Variants in RBMS3 observed in about 807,000 individuals in gnomAD.
RBMS3 encodes RNA binding motif single stranded interacting protein 3.
Under a neutral mutation model 66.8 loss-of-function variants are expected in RBMS3, and 27 were observed. The observed-to-expected ratio is 0.40, with a 90% CI of 0.30 to 0.56. The LOEUF (loss-of-function observed/expected upper bound fraction) is 0.56. RBMS3 is among the 20% of genes least tolerant of loss of function. RBMS3 has a pLI of 0.40. For synonymous variants in RBMS3, 188 were observed against 183.0 expected (o/e 1.03, Z -0.22); for missense variants, 513 against 549.5 (o/e 0.93, Z 0.66).
intron 3 of RBMS3, among the ~76,000 whole-genome samples, chr3:29,571,612 T>C (rs1229488997): frequency 6.6e-6 from 1 of 152,164 alleles, no homozygotes; most frequent in African/African-American, 2.4e-5. Context: ...GTAGATTTTC[T>C]ATTATGTTCC....
At chr3:29,487,102 T>C (rs2043348369) in intron 2 of RBMS3, among the ~76,000 whole-genome samples, 1 of 152,176 alleles carries the variant, frequency 6.6e-6, no homozygotes, top group African/African-American at 2.4e-5. Context: ...AGCTAGTTAA[T>C]GGGTATGATT....
At chr3:29,550,925 G>C (rs555916625) in intron 3 of RBMS3, among the ~76,000 whole-genome samples, 1 of 152,316 alleles carries the variant, frequency 6.6e-6, no homozygotes, top group South Asian at 2.1e-4. Flanking sequence ...TAACTGCAAT[G>C]AAGACTGGGA....
At position 30,005,003 on chromosome 3, in the gene RBMS3, T is replaced by C. The variant is rs936558263; in HGVS notation, c.*1141T>C. On this transcript the variant is annotated 3_prime_UTR_variant, in exon 15 of 15. Transcript: ENST00000383767. ...CAATTTCTGTAGTCTTTCCTAGTTGTGATCAAATTCAGCCTATGGATGGCC... is the reference window on the plus strand; with the variant it reads ...CAATTTCTGTAGTCTTTCCTAGTTGCGATCAAATTCAGCCTATGGATGGCC... 6.6e-6 allele frequency: 1 copy of C among 151,776 alleles called. No individual in the cohort carries two copies. The highest frequency in any genetic ancestry group is 2.4e-5 in the African/African-American group (1 of 41,294). 9.4% of individuals were successfully genotyped at this position (151,776 alleles called of 1,614,324 possible).
intron 5 of RBMS3, among the ~76,000 whole-genome samples, chr3:29,747,764 G>A (rs981474265): frequency 2.0e-5 from 3 of 152,154 alleles, no homozygotes; most frequent in South Asian, 2.1e-4. Context: ...GGCAACATTC[G>A]TTTGGTTAAA....
intron 1 of RBMS3, among the ~76,000 whole-genome samples, chr3:29,283,900 G>T (rs1006067623): frequency 6.6e-6 from 1 of 152,122 alleles, no homozygotes; most frequent in African/African-American, 2.4e-5. Flanking sequence ...CTTGCATAGA[G>T]AGGAAATGAG....
chr3:29,460,688 C>G (rs1034951686), intron 2 of RBMS3, among the ~76,000 whole-genome samples: 1 of 152,156 alleles, frequency 6.6e-6, no homozygotes, highest in African/African-American at 2.4e-5. Flanking sequence ...ATTAGTAATG[C>G]TTAATTTCTT....
chr3:29,765,874 G>C (rs187762984), intron 6 of RBMS3: 38 of 158,078 alleles, frequency 2.4e-4, no homozygotes, highest in South Asian at 6.1e-4. Context: ...AAGGTGAAAG[G>C]CATGTCTCAT....
At chr3:29,395,406 T>C (rs2039501065) in intron 1 of RBMS3, among the ~76,000 whole-genome samples, 1 of 152,076 alleles carries the variant, frequency 6.6e-6, no homozygotes, top group Non-Finnish European at 1.5e-5. Context: ...TAAGAAATAC[T>C]TAGGGTCAAA....
intron 6 of RBMS3, among the ~76,000 whole-genome samples, chr3:29,841,972 A>G (rs1275226284): frequency 6.6e-6 from 1 of 152,078 alleles, no homozygotes; most frequent in Non-Finnish European, 1.5e-5. Context: ...TCATCCAGCC[A>G]CTTAGTGTCT....
At chr3:29,590,328 T>A (rs1399220293) in intron 4 of RBMS3, among the ~76,000 whole-genome samples, 1 of 152,092 alleles carries the variant, frequency 6.6e-6, no homozygotes, top group Non-Finnish European at 1.5e-5. Flanking sequence ...ACATTAAGTA[T>A]TTAGCATAGA....
chr3:29,295,669 T>C (rs1044830354), intron 1 of RBMS3, among the ~76,000 whole-genome samples: 1 of 151,666 alleles, frequency 6.6e-6, no homozygotes, highest in African/African-American at 2.4e-5. Flanking sequence ...TTAGATATTC[T>C]TACCAAGTTT....
At chr3:29,397,498 T>C (rs1237141938) in intron 1 of RBMS3, among the ~76,000 whole-genome samples, 1 of 152,144 alleles carries the variant, frequency 6.6e-6, no homozygotes, top group Non-Finnish European at 1.5e-5. Context: ...CTTTTACCAT[T>C]GTACTCAGCA....
chr3:29,549,475 C>T (rs1295721670), intron 3 of RBMS3, among the ~76,000 whole-genome samples: 1 of 150,748 alleles, frequency 6.6e-6, no homozygotes, highest in Non-Finnish European at 1.5e-5. Flanking sequence ...TCTCAGCTCA[C>T]TCCAACCTCT....
intron 2 of RBMS3, among the ~76,000 whole-genome samples, chr3:29,439,071 A>G (rs907042225): frequency 1.3e-5 from 2 of 152,196 alleles, no homozygotes; most frequent in African/African-American, 2.4e-5. Flanking sequence ...CATTGTGTGC[A>G]GAGCCAAGGG....
intron 12 of RBMS3, among the ~76,000 whole-genome samples, chr3:29,957,051 G>A (rs545586007): frequency 3.3e-5 from 5 of 152,064 alleles, no homozygotes; most frequent in Non-Finnish European, 2.9e-5. Flanking sequence ...TCTTCAACCT[G>A]CTAATGCTGG....
At chr3:29,339,837 C>T (rs72851253) in intron 1 of RBMS3, among the ~76,000 whole-genome samples, 19,572 of 152,050 alleles carry the variant, frequency 0.13, 1,311 homozygotes, top group East Asian at 0.22. Flanking sequence ...GAACTATTGC[C>T]TTAAAGTCAC....
chr3:29,379,457 A>G (rs776254269), intron 1 of RBMS3, among the ~76,000 whole-genome samples: 1 of 152,182 alleles, frequency 6.6e-6, no homozygotes, highest in African/African-American at 2.4e-5. Context: ...CAATTTACAG[A>G]AGGAGTTTTA....
At position 29,991,231 on chromosome 3, in the gene RBMS3, C is replaced by A. The variant is rs185575810; in HGVS notation, c.1307+22C>A. 3.5e-4 allele frequency: 568 copies of A among 1,613,818 alleles called. 1 individual carries two copies. The highest frequency in any genetic ancestry group is 4.6e-4 in the Non-Finnish European group (543 of 1,179,860). The stretch of plus-strand genomic sequence containing the variant: ...CTAAGTAAGTCTGGGCTGTGCTAAG[C>A]TCTTTTCCTCAAGATCAGCCATCTT... On this transcript the variant is annotated intron_variant, in intron 14 of 14. Coordinates refer to ENST00000383767, the MANE Select transcript of RBMS3 (RefSeq NM_001003793.3).
chr3:30,010,152 C>T lies in RBMS3; in HGVS notation c.*6290C>T, dbSNP rs183321113. ...CAACTTCATGGAACTTCTGAAACAT[C>T]ATTCAATTTTGAACTTTATTTAAGA... On this transcript the variant is annotated 3_prime_UTR_variant, in exon 15 of 15. Coordinates refer to ENST00000383767, the MANE Select transcript of RBMS3 (RefSeq NM_001003793.3). 7 of 151,644 alleles carry T rather than the reference C, an allele frequency of 4.6e-5. No homozygotes were observed. The highest frequency in any genetic ancestry group is 1.0e-4 in the Non-Finnish European group (7 of 67,932). 9.4% of individuals were successfully genotyped at this position (151,644 alleles called of 1,614,324 possible). A position where few individuals can be genotyped will look rare whatever the true frequency, so the allele number is the denominator to read the frequency against.
Sources: allele counts gnomAD v4.1 joint callset (sites outside exome capture counted in the v4.1 genomes callset), GRCh38; gene constraint gnomAD v4.1.1; transcripts MANE v1.5; gene names NCBI Gene and HGNC (gene_info 2026-07-23, HGNC 2026-07-21).